The following IFFO2 variants were observed in gnomAD, a reference collection of about 807,000 sequenced individuals.
The protein encoded by IFFO2 is intermediate filament family orphan 2.
Under a neutral mutation model 53.5 loss-of-function variants are expected in IFFO2, and 19 were observed. That is an observed-to-expected ratio of 0.36 (90% CI 0.25 to 0.52). The LOEUF (loss-of-function observed/expected upper bound fraction) is 0.52. IFFO2 is among the 20% of genes least tolerant of loss of function. The pLI is 0.94. For missense variants in IFFO2, 570 were observed against 727.4 expected (o/e 0.78, Z 2.49); for synonymous variants, 303 against 313.6 (o/e 0.97, Z 0.36).
intron 1 of IFFO2, among the ~76,000 whole-genome samples, chr1:18,938,132 T>C (rs1936472920): frequency 6.6e-6 from 1 of 152,252 alleles, no homozygotes; most frequent in Non-Finnish European, 1.5e-5. Flanking sequence ...CAGGCAGAGC[T>C]GGGATGGGCG....
At chr1:18,913,309 G>A (rs76754511) in intron 5 of IFFO2, among the ~76,000 whole-genome samples, 2,455 of 152,386 alleles carry the variant, frequency 0.016, 67 homozygotes, top group African/African-American at 0.056. Flanking sequence ...GGTAGGGGGT[G>A]GGTGCTGGAG....
chr1:18,940,971 T>G (rs1258606337), intron 1 of IFFO2, among the ~76,000 whole-genome samples: 1 of 152,142 alleles, frequency 6.6e-6, no homozygotes, highest in Non-Finnish European at 1.5e-5. Context: ...CAAAGCTGGG[T>G]GCAACACGAG....
At chr1:18,935,446 G>A (rs545408854) in intron 1 of IFFO2, among the ~76,000 whole-genome samples, 92 of 151,760 alleles carry the variant, frequency 6.1e-4, no homozygotes, top group African/African-American at 2.1e-3. Flanking sequence ...CACCTCCAAG[G>A]CATGGGCTGC....
Position 18,918,458 on chromosome 1 carries a change from C to T in IFFO2, c.867G>A (p.Lys289=), listed in dbSNP as rs1475140329. 2.6e-6 allele frequency: 4 copies of T among 1,561,276 alleles called. No homozygotes were observed. In the Admixed American group the frequency reaches 7.6e-5, roughly 30 times the overall value. The change falls in exon 4 of 9, where the codon AAG becomes AAA. Residue 289 remains lysine (K), a synonymous_variant. Transcript: ENST00000455833. The surrounding 1 kb of genome is among the most constrained non-coding windows in gnomAD (Gnocchi z 5.2). ...LDTKIQEKAM[K]VDMDICRRID... ...TTCGGCGGCAGATGTCCATGTCCAC[C>T]TTCATGGCCTTTTCTTGGATCTTTG...
chr1:18,950,998 C>A (rs1163589383), intron 1 of IFFO2, among the ~76,000 whole-genome samples: 2 of 152,190 alleles, frequency 1.3e-5, no homozygotes, highest in Admixed American at 6.5e-5. Context: ...GGCATCATGT[C>A]GAGGCGGGGA....
rs533097956 is a variant in IFFO2, at chr1:18,955,618, T to C, written c.665+50A>G. ...CCCGCATACGCATTCCGCGGCAGCC[T>C]GGACCTGGGCGCCCCGTCCCAGGGC... On this transcript the variant is annotated intron_variant, in intron 1 of 8. Coordinates refer to ENST00000455833, the MANE Select transcript of IFFO2 (RefSeq NM_001136265.2). The C allele has an allele frequency of 3.8e-4, 569 of 1,517,274 alleles. 1 individual carries two copies. The African/African-American group carries it at 7.5e-3, about 20-fold the overall frequency. 94.0% of individuals were successfully genotyped at this position (1,517,274 alleles called of 1,614,324 possible).
chr1:18,936,924 A>AT lies in IFFO2; in HGVS notation c.666-15804dup, dbSNP rs1239079745. 6.8e-6 allele frequency among the ~76,000 whole-genome samples: 1 copy of AT among 146,986 alleles called. No homozygotes were observed. The highest frequency in any genetic ancestry group is 1.5e-5 in the Non-Finnish European group (1 of 67,246). On this transcript the variant is annotated intron_variant, in intron 1 of 8. Transcript: ENST00000455833. The surrounding 1 kb of genome is among the most constrained non-coding windows in gnomAD (Gnocchi z 4.5). ...ATGACCCCACCTGGATTCAATGAGG[A>AT]TGTGCAAACACAAACTGGCTGCAGG...
In IFFO2 at chr1:18,908,586, G is replaced by A. The variant is rs1420893658; in HGVS notation, c.1529C>T (p.Ala510Val). 15 of 1,551,418 alleles carry A rather than the reference G, an allele frequency of 9.7e-6. No individual in the cohort carries two copies. The highest frequency in any genetic ancestry group is 5.9e-5 in the Admixed American group (3 of 50,980). The change falls in exon 9 of 9, where the codon GCG (alanine) becomes GTG (valine). Residue 510 changes from alanine (A) to valine (V), a missense_variant. Ala to Val is a moderately conservative substitution (Grantham distance 64). Transcript: ENST00000455833. Reference sequence around the variant, plus strand: ...TCAGCTGACCATGGGCTCCACATCCGCCTCGCGCTCGAACTCATCCTGGAT... The same window carrying A: ...TCAGCTGACCATGGGCTCCACATCCACCTCGCGCTCGAACTCATCCTGGAT... Reference protein sequence around the residue: ...DEIQDEFEREADVEPMVS With the variant: ...DEIQDEFEREVDVEPMVS
rs1447758723 is a variant in IFFO2 at position 18,906,948 on chromosome 1, T to G, written c.*1613A>C. ...ATATATCTTTTATGTACAGTATTTT[T>G]AAGACTGTAACACAGGTGGGGGAAA... On this transcript the variant is annotated 3_prime_UTR_variant, in exon 9 of 9. Transcript: ENST00000455833. 1 of 152,178 alleles carries G rather than the reference T, an allele frequency of 6.6e-6. No homozygotes were observed. Among genetic ancestry groups the G allele is most frequent in the African/African-American group, 2.4e-5 (1 of 41,438 alleles). The allele number at this position is 152,178 out of a possible 1,614,324, so 9.4% of individuals were successfully genotyped here. A position where few individuals can be genotyped will look rare whatever the true frequency, so the allele number is the denominator to read the frequency against.
intron 1 of IFFO2, among the ~76,000 whole-genome samples, chr1:18,943,070 G>A (rs1354398502): frequency 6.6e-6 from 1 of 152,100 alleles, no homozygotes. Flanking sequence ...CAACAGCAAT[G>A]TAATATTAAG....
intron 1 of IFFO2, among the ~76,000 whole-genome samples, chr1:18,942,342 A>G (rs1936531933): frequency 6.6e-6 from 1 of 152,186 alleles, no homozygotes; most frequent in Admixed American, 6.5e-5. Flanking sequence ...GTGGCCTGAC[A>G]AATAGTACTT....
intron 5 of IFFO2, among the ~76,000 whole-genome samples, chr1:18,914,361 G>C (rs16862368): frequency 0.02 from 3,043 of 152,218 alleles, 99 homozygotes; most frequent in African/African-American, 0.067. Flanking sequence ...CAATGCCCTG[G>C]GGACTTTATA....
At chr1:18,922,324 G>A (rs928741317) in intron 1 of IFFO2, among the ~76,000 whole-genome samples, 3 of 152,148 alleles carry the variant, frequency 2.0e-5, no homozygotes, top group Non-Finnish European at 4.4e-5. Flanking sequence ...AGACAGAGGA[G>A]TTTCTTTCCT....
chr1:18,923,925 A>G (rs1031412631), intron 1 of IFFO2, among the ~76,000 whole-genome samples: 3 of 151,924 alleles, frequency 2.0e-5, no homozygotes, highest in African/African-American at 7.3e-5. Context: ...CCAACCCCAC[A>G]TCTCAATCGT....
intron 1 of IFFO2, among the ~76,000 whole-genome samples, chr1:18,949,416 A>G (rs1366090382): frequency 2.0e-5 from 3 of 152,240 alleles, no homozygotes; most frequent in Non-Finnish European, 4.4e-5. Flanking sequence ...CTGACAGCAG[A>G]AAGTCAGGAA....
At position 18,908,422 on chromosome 1, in the gene IFFO2, A is replaced by G. The variant is rs9426800; in HGVS notation, c.*139T>C. On this transcript the variant is annotated 3_prime_UTR_variant, in exon 9 of 9. Transcript: ENST00000455833. ...GGAAGGAAGGAAGCAGCAGTCCCTC[A>G]GGGCCTCCAGAGAAGGGAGGGCAGA... The G allele has an allele frequency of 0.065, 42,262 of 645,468 alleles. 2,527 individuals carry two copies. Among genetic ancestry groups the G allele is most frequent in the African/African-American group, 0.24 (13,414 of 55,198 alleles). The allele number at this position is 645,468 out of a possible 1,614,324, so 40.0% of individuals were successfully genotyped here. A position where few individuals can be genotyped will look rare whatever the true frequency, so the allele number is the denominator to read the frequency against.
At chr1:18,940,250 T>G (rs1347912399) in intron 1 of IFFO2, among the ~76,000 whole-genome samples, 1 of 151,464 alleles carries the variant, frequency 6.6e-6, no homozygotes, top group Non-Finnish European at 1.5e-5. Flanking sequence ...CGGCCAGGAG[T>G]GAGAGCTGTC....
intron 1 of IFFO2, among the ~76,000 whole-genome samples, chr1:18,944,294 T>C (rs1936558500): frequency 6.6e-6 from 1 of 152,040 alleles, no homozygotes; most frequent in Non-Finnish European, 1.5e-5. Context: ...TGAGATGAGC[T>C]TGAAGGGTAC....
At chr1:18,912,491 G>A (rs950075635) in intron 5 of IFFO2, among the ~76,000 whole-genome samples, 33 of 152,154 alleles carry the variant, frequency 2.2e-4, no homozygotes, top group African/African-American at 7.5e-4. Context: ...CTATTTTACA[G>A]ATGAAGAAAT....
Sources: gnomAD v4.1 joint callset for allele counts (sites outside exome capture counted in the v4.1 genomes callset) on GRCh38, gnomAD v4.1.1 for gene constraint, Gnocchi (gnomAD v3.1) non-coding constraint, MANE v1.5 for transcripts, NCBI Gene and HGNC (gene_info 2026-07-23, HGNC 2026-07-21) for gene names.